CD226: variants seen among roughly 807,000 people sequenced by gnomAD.
CD226 encodes CD226 antigen.
CD226 carries 24 observed loss-of-function variants against 34.9 expected under a neutral mutation model. That is an observed-to-expected ratio of 0.69 (90% CI 0.50 to 0.97). CD226 has a LOEUF of 0.97. Ranked by LOEUF, CD226 falls within the 50% of genes least tolerant of loss-of-function variation. The probability of loss-of-function intolerance (pLI) is 0.00; values close to 1 mark genes in which losing one functional copy is unlikely to be tolerated. For missense variants in CD226, 397 were observed against 412.7 expected (o/e 0.96, Z 0.33); for synonymous variants, 148 against 147.4 (o/e 1.00, Z -0.03).
upstream of CD226, among the ~76,000 whole-genome samples, chr18:69,960,173 GTGGT>G (rs1224290238): frequency 6.6e-6 from 1 of 151,742 alleles, no homozygotes; most frequent in Non-Finnish European, 1.5e-5. Flanking sequence ...CTGGGAGGCA[GTGGT>G]TGTAGTGAGC....
chr18:69,940,862 A>G (rs1445894360), intron 2 of CD226, among the ~76,000 whole-genome samples: 1 of 152,236 alleles, frequency 6.6e-6, no homozygotes, highest in African/African-American at 2.4e-5. Flanking sequence ...TCTCCAAGGC[A>G]TGTCAGAGAC....
chr18:69,883,041 A>G (rs1599390817), intron 3 of CD226, among the ~76,000 whole-genome samples: 1 of 152,260 alleles, frequency 6.6e-6, no homozygotes, highest in East Asian at 1.9e-4. Context: ...CTTTATTTCT[A>G]GTGCTTTTGT....
chr18:69,878,430 T>G (rs1270510410), intron 3 of CD226, among the ~76,000 whole-genome samples: 1 of 152,154 alleles, frequency 6.6e-6, no homozygotes, highest in Admixed American at 6.5e-5. Flanking sequence ...AGTTATACAC[T>G]CTTAGAAAAG....
intron 4 of CD226, among the ~76,000 whole-genome samples, chr18:69,869,270 T>C (rs537901314): frequency 6.6e-5 from 10 of 152,308 alleles, no homozygotes; most frequent in South Asian, 4.2e-4. Flanking sequence ...CCGTCAATGA[T>C]AGACTGGATA....
At chr18:69,932,455 T>A (rs932228406) in intron 2 of CD226, among the ~76,000 whole-genome samples, 1 of 152,178 alleles carries the variant, frequency 6.6e-6, no homozygotes, top group Non-Finnish European at 1.5e-5. Flanking sequence ...CCCCCTCTTC[T>A]AAGCAAAAAT....
intron 2 of CD226, among the ~76,000 whole-genome samples, chr18:69,913,404 T>A (rs2055349919): frequency 6.6e-6 from 1 of 152,216 alleles, no homozygotes; most frequent in South Asian, 2.1e-4. Context: ...TTTTTATTTC[T>A]CAGAGTGAGA....
chr18:69,860,599 TAA>T lies in CD226; in HGVS notation c.*3713_*3714del, dbSNP rs1414605814. 1.3e-5 allele frequency: 2 copies of T among 152,128 alleles called. No homozygotes were observed. The allele number at this position is 152,128 out of a possible 1,614,324, so 9.4% of individuals were successfully genotyped here. On this transcript the variant is annotated 3_prime_UTR_variant, in exon 6 of 6. Coordinates refer to ENST00000582621, the MANE Select transcript of CD226 (RefSeq NM_001303618.2). ...GAATCACTAGAAATAGAGAAGCTTTTAAAAAAATTAACTTGTTTTTAGTTTTC... is the reference window on the plus strand; with the variant it reads ...GAATCACTAGAAATAGAGAAGCTTTTAAAAATTAACTTGTTTTTAGTTTTC...
chr18:69,961,469 A>G (rs1033082439), upstream of CD226: 4 of 152,190 alleles, frequency 2.6e-5, no homozygotes, highest in African/African-American at 7.2e-5. Flanking sequence ...TGGAAATGTT[A>G]TATGTTTGCA....
intron 2 of CD226, among the ~76,000 whole-genome samples, chr18:69,913,686 G>A (rs1469426005): frequency 6.6e-6 from 1 of 152,182 alleles, no homozygotes; most frequent in Non-Finnish European, 1.5e-5. Context: ...TGGGAAGGAG[G>A]CAGGAGAAGT....
At chr18:69,937,251 T>A (rs1461825930) in intron 2 of CD226, among the ~76,000 whole-genome samples, 1 of 152,202 alleles carries the variant, frequency 6.6e-6, no homozygotes. Flanking sequence ...GTTTTTGGTG[T>A]TTTGTTGTTG....
upstream of CD226, among the ~76,000 whole-genome samples, chr18:69,949,944 G>C (rs894217754): frequency 1.2e-4 from 18 of 151,236 alleles, no homozygotes; most frequent in African/African-American, 4.4e-4. Flanking sequence ...CCACACACAC[G>C]CATGCACTTA....
chr18:69,955,342 T>C lies in CD226; in HGVS notation c.-28+1413A>G, dbSNP rs533375053. Among the ~76,000 whole-genome samples, 15 of 152,360 alleles carry C rather than the reference T, an allele frequency of 9.8e-5. No individual in the cohort carries two copies. The East Asian group carries it at 2.1e-3, about 22-fold the overall frequency. On this transcript the variant is annotated intron_variant, in intron 1 of 6. Coordinates refer to the CD226 transcript ENST00000280200. ...TTTATGCAAAAACACCTGATGTGTG[T>C]GATGGAGAATCTGCTCTGATACCTT...
intron 2 of CD226, among the ~76,000 whole-genome samples, chr18:69,926,969 T>G (rs935590301): frequency 2.0e-5 from 3 of 151,964 alleles, no homozygotes; most frequent in African/African-American, 7.3e-5. Context: ...TTGTTAACAA[T>G]GAAATTTCCC....
chr18:69,891,200 C>T (rs1381176213), intron 3 of CD226, among the ~76,000 whole-genome samples: 1 of 151,788 alleles, frequency 6.6e-6, no homozygotes, highest in Non-Finnish European at 1.5e-5. Flanking sequence ...ATGTAATACA[C>T]CACATTAACA....
Position 69,864,217 on chromosome 18 carries a change from A to G in CD226, c.*97T>C, listed in dbSNP as rs928228842. 2 of 1,037,800 alleles carry G rather than the reference A, an allele frequency of 1.9e-6. No homozygotes were observed. Among genetic ancestry groups the G allele is most frequent in the East Asian group, 2.4e-5 (1 of 41,164 alleles). The allele number at this position is 1,037,800 out of a possible 1,614,324, so 64.3% of individuals were successfully genotyped here. ...AAGTAACTCAATTCAGACAACTAGTATCTAAGGTAGACCTTGGGTAGTGGA... is the reference window on the plus strand; with the variant it reads ...AAGTAACTCAATTCAGACAACTAGTGTCTAAGGTAGACCTTGGGTAGTGGA... On this transcript the variant is annotated 3_prime_UTR_variant, in exon 6 of 6. Transcript: ENST00000582621.
intron 2 of CD226, among the ~76,000 whole-genome samples, chr18:69,907,370 G>C (rs1406252650): frequency 1.3e-5 from 2 of 152,192 alleles, no homozygotes; most frequent in Non-Finnish European, 2.9e-5. Flanking sequence ...AGGCTGGAGT[G>C]CAGTGATGGT....
chr18:69,887,504 C>G (rs1174311036), intron 3 of CD226, among the ~76,000 whole-genome samples: 1 of 152,182 alleles, frequency 6.6e-6, no homozygotes, highest in South Asian at 2.1e-4. Context: ...GAAAATACCC[C>G]ACCCTTTGTT....
chr18:69,915,715 G>C (rs552122779), intron 2 of CD226, among the ~76,000 whole-genome samples: 2 of 152,006 alleles, frequency 1.3e-5, no homozygotes, highest in Non-Finnish European at 2.9e-5. Context: ...GCACTTCCCC[G>C]AAGTCTGCAA....
chr18:69,899,105 T>C (rs1446045031), intron 2 of CD226, among the ~76,000 whole-genome samples: 1 of 152,258 alleles, frequency 6.6e-6, no homozygotes, highest in Non-Finnish European at 1.5e-5. Context: ...ATTTTGTATG[T>C]GGCTTCTCTG....
Sources: gnomAD v4.1 joint callset for allele counts (sites outside exome capture counted in the v4.1 genomes callset) on GRCh38, gnomAD v4.1.1 for gene constraint, MANE v1.5 for transcripts, NCBI Gene and HGNC (gene_info 2026-07-23, HGNC 2026-07-21) for gene names.